SLC25A14: variants seen among roughly 807,000 people sequenced by gnomAD.
The protein encoded by SLC25A14 is solute carrier family 25 member 14.
In SLC25A14, 8 loss-of-function variants were observed where a neutral mutation model predicts 28.1. That is an observed-to-expected ratio of 0.28 (90% CI 0.17 to 0.51). SLC25A14 has a LOEUF of 0.51. Ranked by LOEUF, SLC25A14 falls within the 20% of genes least tolerant of loss-of-function variation. The pLI, the probability that SLC25A14 is intolerant of heterozygous loss-of-function variation, is 0.97. For synonymous variants in SLC25A14, 74 were observed against 90.6 expected, an observed-to-expected ratio of 0.82 and a Z score of 1.04; for missense variants, 135 against 263.8, an observed-to-expected ratio of 0.51 and a Z score of 3.38.
At chrX:130,348,610 A>AT (rs919624919) in intron 4 of SLC25A14, among the ~76,000 whole-genome samples, 4 of 106,753 alleles carry the variant, frequency 3.7e-5, no homozygotes, top group South Asian at 4.0e-4. Context: ...AATTTTGTTG[A>AT]TTTTTTTTTA....
intron 9 of SLC25A14, among the ~76,000 whole-genome samples, chrX:130,366,352 T>G (rs5977246): frequency 0.054 from 6,079 of 112,175 alleles, 429 homozygotes; most frequent in African/African-American, 0.18. Context: ...TTTGGAAGCA[T>G]TGAGGTAGGC....
chrX:130,372,624 G>A (rs1449784846), intron 10 of SLC25A14, among the ~76,000 whole-genome samples: 10 of 108,893 alleles, frequency 9.2e-5, no homozygotes, highest in Non-Finnish European at 1.9e-4. Flanking sequence ...CACCACACCC[G>A]GCTAATTTTT....
At chrX:130,356,673 G>A (rs559392266) in intron 6 of SLC25A14, among the ~76,000 whole-genome samples, 1 of 111,816 alleles carries the variant, frequency 8.9e-6, no homozygotes, top group South Asian at 3.8e-4. Context: ...GCTACATCTA[G>A]CTTCAAGAAA....
At chrX:130,370,139 C>T in intron 9 of SLC25A14, among the ~76,000 whole-genome samples, 1 of 111,667 alleles carries the variant, frequency 9.0e-6, no homozygotes, top group African/African-American at 3.2e-5. Flanking sequence ...CAGACCTTTA[C>T]TATTTGCTGA....
intron 6 of SLC25A14, among the ~76,000 whole-genome samples, chrX:130,351,681 C>T (rs1569452306): frequency 9.0e-6 from 1 of 111,394 alleles, no homozygotes; most frequent in Non-Finnish European, 1.9e-5. Context: ...AGTAAGAGGA[C>T]ACATGCTTTT....
At chrX:130,347,112 C>G (rs766042260) in intron 4 of SLC25A14, among the ~76,000 whole-genome samples, 1 of 111,369 alleles carries the variant, frequency 9.0e-6, no homozygotes, top group South Asian at 3.8e-4. Flanking sequence ...GGAGACCCAT[C>G]TTTATCATCA....
chrX:130,352,646 A>G (rs967674774), intron 6 of SLC25A14, among the ~76,000 whole-genome samples: 1 of 111,962 alleles, frequency 8.9e-6, no homozygotes, highest in Non-Finnish European at 1.9e-5. Flanking sequence ...TTGTGGTTTG[A>G]TTTACATTTC....
At chrX:130,371,445 G>A (rs1327448380) in intron 9 of SLC25A14, 119 bp from the exon 10 acceptor site, 2 of 485,253 alleles carry the variant, frequency 4.1e-6, no homozygotes, top group African/African-American at 2.4e-5. Context: ...ATTTAAAATG[G>A]ACCTTTAGAG....
intron 9 of SLC25A14, among the ~76,000 whole-genome samples, chrX:130,367,086 T>C (rs990189208): frequency 6.3e-5 from 7 of 111,938 alleles, no homozygotes; most frequent in Admixed American, 1.9e-4. Context: ...ACCTGGAAAT[T>C]TGCATTTTTA....
chrX:130,356,064 T>C (rs1224784712), intron 6 of SLC25A14, among the ~76,000 whole-genome samples: 2 of 111,036 alleles, frequency 1.8e-5, no homozygotes, highest in Non-Finnish European at 3.8e-5. Context: ...CGATTTCTCC[T>C]TTGTAGTTTC....
intron 6 of SLC25A14, among the ~76,000 whole-genome samples, chrX:130,358,242 C>A (rs1428951362): frequency 8.9e-6 from 1 of 111,737 alleles, no homozygotes; most frequent in Non-Finnish European, 1.9e-5. Flanking sequence ...CCATAGTATT[C>A]TATTAAATGA....
chrX:130,361,562 G>A (rs2033965899), intron 7 of SLC25A14, among the ~76,000 whole-genome samples: 1 of 112,489 alleles, frequency 8.9e-6, no homozygotes, highest in African/African-American at 3.2e-5. Flanking sequence ...TGCTCTGATT[G>A]TAACATGAAT....
intron 7 of SLC25A14, among the ~76,000 whole-genome samples, chrX:130,363,807 C>T (rs1310579466): frequency 1.8e-5 from 2 of 111,668 alleles, no homozygotes. Flanking sequence ...AATCATGGCT[C>T]ACTGCAGCCT....
intron 9 of SLC25A14, among the ~76,000 whole-genome samples, chrX:130,370,907 T>C (rs1402893712): frequency 8.9e-6 from 1 of 111,990 alleles, no homozygotes; most frequent in Non-Finnish European, 1.9e-5. Context: ...GGGCCAGGGA[T>C]TGCAAAGCAG....
rs1160816128 is a variant in SLC25A14 at position 130,350,633 on chromosome X, T to C, written c.413-13T>C. On this transcript the variant is annotated splice_polypyrimidine_tract_variant and intron_variant, in intron 5 of 10. Coordinates refer to ENST00000545805, the MANE Select transcript of SLC25A14 (RefSeq NM_001282195.2). ...ATACAAGCAGACCTTTCTTTTTCTTTTCCTTTTCACAGATGAAACTCTTTT... is the reference window on the plus strand; with the variant it reads ...ATACAAGCAGACCTTTCTTTTTCTTCTCCTTTTCACAGATGAAACTCTTTT... 102 of 1,099,480 alleles carry C rather than the reference T, an allele frequency of 9.3e-5. No individual in the cohort carries two copies. The highest frequency in any genetic ancestry group is 1.3e-4 in the Non-Finnish European group (102 of 807,944). The allele number at this position is 1,099,480 out of a possible 1,213,427, so 90.6% of individuals were successfully genotyped here. A position where few individuals can be genotyped will look rare whatever the true frequency, so the allele number is the denominator to read the frequency against.
rs140171059 is a variant in SLC25A14, at chrX:130,355,288, C to T, written c.499-3352C>T. On this transcript the variant is annotated intron_variant, in intron 6 of 10. Transcript: ENST00000545805. ...CGAGGAAATAGGATGACTTAAGGTTCGGTTACCTGATGATGGGTGGCTGGT... is the reference window on the plus strand; with the variant it reads ...CGAGGAAATAGGATGACTTAAGGTTTGGTTACCTGATGATGGGTGGCTGGT... 6.9e-3 allele frequency among the ~76,000 whole-genome samples: 776 copies of T among 112,010 alleles called. 11 individuals are homozygous for T. The highest frequency in any genetic ancestry group is 0.024 in the African/African-American group (731 of 30,783).
intron 10 of SLC25A14, among the ~76,000 whole-genome samples, chrX:130,372,443 TTTTA>T (rs199840721): frequency 9.6e-6 from 1 of 103,886 alleles, no homozygotes; most frequent in African/African-American, 3.5e-5. Flanking sequence ...ACAGGTGGTG[TTTTA>T]TTTATTTATT....
chrX:130,339,934 T>C lies in SLC25A14; in HGVS notation c.-215T>C, dbSNP rs1220776644. ...TTGGCGCTGCAGTGGCGTTTCCGAC[T>C]GTGGGAGCCTCAGCTTCCCAGTCGT... On this transcript the variant is annotated 5_prime_UTR_variant, in exon 1 of 11. Transcript: ENST00000545805. 1 of 829,196 alleles carries C rather than the reference T, an allele frequency of 1.2e-6. No homozygotes were observed. The highest frequency in any genetic ancestry group is 1.5e-6 in the Non-Finnish European group (1 of 689,215). The allele number at this position is 829,196 out of a possible 1,213,427, so 68.3% of individuals were successfully genotyped here. A position where few individuals can be genotyped will look rare whatever the true frequency, so the allele number is the denominator to read the frequency against.
intron 10 of SLC25A14, among the ~76,000 whole-genome samples, chrX:130,372,469 ATTT>A (rs200630411): frequency 1.1e-4 from 6 of 54,891 alleles, no homozygotes; most frequent in Non-Finnish European, 2.9e-4. Context: ...ATTTATTTTT[ATTT>A]TTTTTTTTGA....
Sources: allele counts gnomAD v4.1 joint callset (sites outside exome capture counted in the v4.1 genomes callset), GRCh38; gene constraint gnomAD v4.1.1; transcripts MANE v1.5; gene names NCBI Gene and HGNC (gene_info 2026-07-23, HGNC 2026-07-21).